CLEC16A: variants seen among roughly 807,000 people sequenced by gnomAD.
The protein encoded by CLEC16A is protein CLEC16A.
A neutral mutation model predicts 109.5 loss-of-function variants in CLEC16A; 51 were observed. The observed-to-expected ratio is 0.47, with a 90% confidence interval of 0.37 to 0.59. CLEC16A has a LOEUF of 0.59. Among genes scored for constraint, CLEC16A ranks in the 20% least tolerant of loss-of-function variants. The pLI is 0.00. For missense variants in CLEC16A, 1,339 were observed against 1,394.0 expected (o/e 0.96, Z 0.63); for synonymous variants, 673 against 564.2 (o/e 1.19, Z -2.73).
chr16:11,144,249 T>C (rs773835000), intron 22 of CLEC16A, among the ~76,000 whole-genome samples: 3 of 152,168 alleles, frequency 2.0e-5, no homozygotes, highest in Non-Finnish European at 2.9e-5. Context: ...TGAGTGAACA[T>C]CCATCCTCTT....
intron 1 of CLEC16A, among the ~76,000 whole-genome samples, chr16:10,953,113 A>C (rs2041815945): frequency 6.6e-6 from 1 of 152,270 alleles, no homozygotes. Context: ...TGGAAGACTT[A>C]ATTACTATAT....
At chr16:11,030,248 C>T (rs543308550) in intron 13 of CLEC16A, among the ~76,000 whole-genome samples, 5 of 152,176 alleles carry the variant, frequency 3.3e-5, no homozygotes, top group Non-Finnish European at 7.3e-5. Context: ...ACATTCTTTT[C>T]TCTTGGATAA....
chr16:11,083,785 C>T (rs745410990), intron 19 of CLEC16A, among the ~76,000 whole-genome samples: 3 of 152,218 alleles, frequency 2.0e-5, no homozygotes, highest in Admixed American at 6.5e-5. Flanking sequence ...CTGCCTGTGG[C>T]GCTCCCCTGT....
chr16:10,994,711 A>T (rs1016815875), intron 10 of CLEC16A, among the ~76,000 whole-genome samples: 1 of 152,216 alleles, frequency 6.6e-6, no homozygotes, highest in East Asian at 1.9e-4. Flanking sequence ...CTCAAAAAAA[A>T]AAGTGAAAAG....
At chr16:10,983,311 A>G (rs1403261316) in intron 10 of CLEC16A, among the ~76,000 whole-genome samples, 2 of 152,332 alleles carry the variant, frequency 1.3e-5, no homozygotes, top group East Asian at 1.9e-4. Context: ...TAATGTCTAC[A>G]GAAGTTGGGC....
intron 22 of CLEC16A, among the ~76,000 whole-genome samples, chr16:11,127,538 C>T (rs752161434): frequency 3.9e-5 from 6 of 152,206 alleles, no homozygotes; most frequent in Admixed American, 6.5e-5. Flanking sequence ...CCAATTCACT[C>T]TGCCACCCAC....
intron 10 of CLEC16A, among the ~76,000 whole-genome samples, chr16:10,999,942 T>A (rs2044568578): frequency 6.6e-6 from 1 of 152,124 alleles, no homozygotes; most frequent in African/African-American, 2.4e-5. Flanking sequence ...GTTCGATCGA[T>A]TCTCTTGCCT....
chr16:11,049,689 G>C (rs2047833404), intron 17 of CLEC16A, among the ~76,000 whole-genome samples: 3 of 152,212 alleles, frequency 2.0e-5, no homozygotes, highest in African/African-American at 7.2e-5. Context: ...ACCATGACTT[G>C]TGACCTTTCC....
intron 11 of CLEC16A, among the ~76,000 whole-genome samples, chr16:11,006,939 A>G: frequency 6.6e-6 from 1 of 152,156 alleles, no homozygotes; most frequent in East Asian, 1.9e-4. Flanking sequence ...AAATACTAAA[A>G]AAAGAAGGAT....
chr16:11,047,493 T>A (rs1254364567), intron 17 of CLEC16A, 151 bp downstream of exon 17: 1 of 447,138 alleles, frequency 2.2e-6, no homozygotes, highest in Non-Finnish European at 3.9e-6. Context: ...TGGTGTCTTG[T>A]GATCCCCACC....
intron 19 of CLEC16A, among the ~76,000 whole-genome samples, chr16:11,085,371 G>A (rs1348283818): frequency 1.3e-5 from 2 of 152,278 alleles, no homozygotes; most frequent in Non-Finnish European, 2.9e-5. Context: ...CTTGCTTCAG[G>A]TTGAGTGCCC....
rs774464003 is a variant in CLEC16A at position 11,178,703 on chromosome 16, G to A, written c.*13G>A. 4.1e-6 allele frequency: 6 copies of A among 1,459,114 alleles called. No homozygotes were observed. Among genetic ancestry groups the A allele is most frequent in the African/African-American group, 1.4e-5 (1 of 70,910 alleles). 90.4% of individuals were successfully genotyped at this position (1,459,114 alleles called of 1,614,324 possible). On this transcript the variant is annotated 3_prime_UTR_variant, in exon 24 of 24. Transcript: ENST00000409790. This position sits in a 1 kb window ranked among gnomAD's most constrained non-coding sequence, Gnocchi z 6.5. ...CGCTGAGGACTGAGTCAGTGCCGGG[G>A]CCTCCCTTTGTGTGTGTGGCCCCGC... is the stretch of plus-strand genomic sequence containing the variant.
chr16:10,946,999 G>A (rs1052893157), intron 1 of CLEC16A, among the ~76,000 whole-genome samples: 36 of 152,226 alleles, frequency 2.4e-4, no homozygotes, highest in African/African-American at 8.2e-4. Flanking sequence ...GAGTCTCATC[G>A]CCAATGGGGC....
intron 22 of CLEC16A, among the ~76,000 whole-genome samples, chr16:11,137,808 C>CA (rs1006527936): frequency 7.3e-5 from 11 of 151,172 alleles, no homozygotes; most frequent in East Asian, 3.9e-4. Context: ...GACTCCCTCT[C>CA]AAAAAAAAGG....
At position 11,182,086 on chromosome 16, in the gene CLEC16A, A is replaced by G. The variant is rs990687950; in HGVS notation, c.*3396A>G. The G allele has an allele frequency of 6.6e-6, 1 of 152,366 alleles. No individual in the cohort carries two copies. The highest frequency in any genetic ancestry group is 1.9e-4 in the East Asian group (1 of 5,206). 9.4% of individuals were successfully genotyped at this position (152,366 alleles called of 1,614,324 possible). On this transcript the variant is annotated 3_prime_UTR_variant, in exon 24 of 24. Transcript: ENST00000409790. ...TAGGGAAGTACCTGCTTTCGCCAGC[A>G]TGACTCATGCTTCGTGGGTACTGAA... is the stretch of plus-strand genomic sequence containing the variant.
chr16:11,003,263 G>T lies in CLEC16A; in HGVS notation c.1261G>T (p.Glu421Ter). The T allele has an allele frequency of 6.2e-7, 1 of 1,612,736 alleles. No homozygotes were observed. The change falls in exon 11 of 24, where the codon GAG becomes TAG. Residue 421 changes from glutamate to a stop codon, truncating the protein, a stop_gained. Transcript: ENST00000409790. LOFTEE classifies it high-confidence loss of function. ...AGACGCCGAGAAGGCTAAAGGTACA[G>T]AGGGTGGTTCAAAAGGCATCAAGAC... The part of the protein sequence containing the change: ...QEDAEKAKGT[E>*]GGSKGIKTSG...
At chr16:11,124,705 T>C (rs1326237140) in intron 21 of CLEC16A, among the ~76,000 whole-genome samples, 2 of 152,200 alleles carry the variant, frequency 1.3e-5, no homozygotes, top group Admixed American at 6.5e-5. Context: ...GCCATTCAGT[T>C]CAGGCACCAG....
At chr16:11,103,179 C>T (rs2051021700) in intron 19 of CLEC16A, among the ~76,000 whole-genome samples, 2 of 152,214 alleles carry the variant, frequency 1.3e-5, no homozygotes, top group African/African-American at 4.8e-5. Context: ...AGGGTCAGAT[C>T]CAAGAATATG....
chr16:10,991,220 C>T (rs1304533227), intron 10 of CLEC16A, among the ~76,000 whole-genome samples: 2 of 151,894 alleles, frequency 1.3e-5, no homozygotes, highest in Non-Finnish European at 2.9e-5. Context: ...TTACAGTTCT[C>T]AGTAAGGTGG....
Sources: allele counts gnomAD v4.1 joint callset (sites outside exome capture counted in the v4.1 genomes callset), GRCh38; gene constraint gnomAD v4.1.1; non-coding constraint Gnocchi (gnomAD v3.1); transcripts MANE v1.5; gene names NCBI Gene and HGNC (gene_info 2026-07-23, HGNC 2026-07-21).